Variants in TBK1 observed in about 807,000 individuals in gnomAD.
TBK1 encodes the protein TANK binding kinase 1.
TBK1 carries 37 observed loss-of-function variants against 99.9 expected under a neutral mutation model. That is an observed-to-expected ratio of 0.37 (90% CI 0.28 to 0.49). The LOEUF is 0.49. Ranked by LOEUF, TBK1 falls within the 20% of genes least tolerant of loss-of-function variation. The pLI is 0.98. For missense variants in TBK1, 644 were observed against 872.5 expected, an observed-to-expected ratio of 0.74 and a Z score of 3.30; for synonymous variants, 258 against 279.8, an observed-to-expected ratio of 0.92 and a Z score of 0.78.
intron 6 of TBK1, 107 bp downstream of exon 6, chr12:64,474,497 C>A: frequency 1.8e-6 from 2 of 1,101,740 alleles, no homozygotes; most frequent in East Asian, 2.4e-5. Flanking sequence ...ATTTAACAAT[C>A]ATTTCTGATA....
At chr12:64,487,169 A>G (rs1411179201) in intron 11 of TBK1, among the ~76,000 whole-genome samples, 1 of 152,210 alleles carries the variant, frequency 6.6e-6, no homozygotes, top group Non-Finnish European at 1.5e-5. Context: ...TCCATCTGAA[A>G]AAAATGGAAA....
At chr12:64,477,464 C>T (rs574033682) in intron 6 of TBK1, among the ~76,000 whole-genome samples, 3 of 152,010 alleles carry the variant, frequency 2.0e-5, no homozygotes, top group East Asian at 1.9e-4. Context: ...CAGCTTTGTC[C>T]GTGTATAGAA....
At chr12:64,497,340 A>G in intron 18 of TBK1, 81 bp downstream of exon 18, 1 of 1,063,558 alleles carries the variant, frequency 9.4e-7, no homozygotes, top group Non-Finnish European at 1.3e-6. Flanking sequence ...AATGGGATAG[A>G]ATGTGCCTAC....
intron 4 of TBK1, among the ~76,000 whole-genome samples, chr12:64,464,963 G>A (rs1398535533): frequency 6.6e-6 from 1 of 151,932 alleles, no homozygotes; most frequent in Non-Finnish European, 1.5e-5. Context: ...GACAAACAGG[G>A]CCAACCATGG....
chr12:64,481,688 C>G (rs763504116), intron 7 of TBK1, among the ~76,000 whole-genome samples, 154 bp from the exon 8 acceptor site: 4 of 152,166 alleles, frequency 2.6e-5, no homozygotes, highest in Non-Finnish European at 4.4e-5. Context: ...GGTTACCTAG[C>G]TTTCTGAAAA....
chr12:64,453,175 G>T (rs1249550420), intron 1 of TBK1, among the ~76,000 whole-genome samples: 1 of 152,214 alleles, frequency 6.6e-6, no homozygotes, highest in Non-Finnish European at 1.5e-5. Context: ...TTATTGTGGA[G>T]TTATTGGAAG....
Position 64,486,017 on chromosome 12 carries a change from T to C in TBK1, c.1340T>C (p.Ile447Thr). The C allele has an allele frequency of 6.3e-7, 1 of 1,575,150 alleles. No individual in the cohort carries two copies. The highest frequency in any genetic ancestry group is 1.2e-5 in the South Asian group (1 of 85,126). The change falls in exon 11 of 21, where the codon ATT (isoleucine) becomes ACT (threonine). Residue 447 changes from isoleucine (I) to threonine (T), a missense_variant and splice_region_variant. Physicochemically the swap from Ile to Thr is moderately conservative, Grantham distance 89. Coordinates refer to ENST00000331710, the MANE Select transcript of TBK1 (RefSeq NM_013254.4). ...ATGCGAAAGGGGATACGATGGCTGA[T>C]GTAAGTAATAGATTGAAATTTTGAA... ...ELMRKGIRWL[I>T]ELIKDDYNET...
At position 64,484,322 on chromosome 12, in the gene TBK1, C is replaced by T. The variant is rs752520145; in HGVS notation, c.1012C>T (p.Leu338=). 3 of 1,610,718 alleles carry T rather than the reference C, an allele frequency of 1.9e-6. No homozygotes were observed. The highest frequency in any genetic ancestry group is 4.5e-5 in the East Asian group (2 of 44,848). ...ACACAGTGCTACTATATTTCATGAA[C>T]TGGTATATAAACAAACCAAAATTAT... ...SYNTATIFHE[L]VYKQTKIISS... Residue 338 remains leucine (L), a synonymous_variant, in exon 9 of 21, where the codon CTG becomes TTG. Transcript: ENST00000331710.
chr12:64,458,610 G>A (rs147906467), intron 2 of TBK1, among the ~76,000 whole-genome samples: 301 of 151,968 alleles, frequency 2.0e-3, no homozygotes, highest in Non-Finnish European at 2.3e-3. Context: ...AAAATAGTAC[G>A]TTTCCACCTG....
At chr12:64,482,999 A>T (rs550993445) in intron 8 of TBK1, among the ~76,000 whole-genome samples, 1 of 152,320 alleles carries the variant, frequency 6.6e-6, no homozygotes, top group South Asian at 2.1e-4. Flanking sequence ...CATTGGGGGA[A>T]GCTGGGAGAA....
intron 13 of TBK1, among the ~76,000 whole-genome samples, chr12:64,494,393 T>C (rs1224623293): frequency 6.6e-6 from 1 of 152,084 alleles, no homozygotes; most frequent in Non-Finnish European, 1.5e-5. Flanking sequence ...GGTGAGAGGA[T>C]GGCTTGAACT....
intron 2 of TBK1, among the ~76,000 whole-genome samples, chr12:64,457,196 G>C (rs2040498979): frequency 6.6e-6 from 1 of 152,140 alleles, no homozygotes; most frequent in South Asian, 2.1e-4. Context: ...GATGAGATAA[G>C]CGTACATGGG....
At chr12:64,489,359 ACTATTTGTACTG>A (rs2040847240) in intron 12 of TBK1, among the ~76,000 whole-genome samples, 1 of 152,236 alleles carries the variant, frequency 6.6e-6, no homozygotes, top group Non-Finnish European at 1.5e-5. Flanking sequence ...TCTAGAATAT[ACTATTTGTACTG>A]CAGAGGAAAT....
intron 3 of TBK1, among the ~76,000 whole-genome samples, chr12:64,461,798 C>T (rs2040551422): frequency 6.6e-6 from 1 of 152,156 alleles, no homozygotes; most frequent in Non-Finnish European, 1.5e-5. Context: ...GTAGAAATGA[C>T]TCACAAAACT....
chr12:64,467,134 A>G, intron 5 of TBK1, 52 bp downstream of exon 5: 2 of 1,371,050 alleles, frequency 1.5e-6, no homozygotes, highest in Non-Finnish European at 1.9e-6. Context: ...ATATATTGTA[A>G]TTATAATTGG....
At chr12:64,496,443 T>C (rs2040925669) in intron 16 of TBK1, 37 bp downstream of exon 16, 1 of 1,122,428 alleles carries the variant, frequency 8.9e-7, no homozygotes, top group Non-Finnish European at 1.3e-6. Flanking sequence ...TTATTTTTGG[T>C]GCTATTTTGG....
intron 12 of TBK1, among the ~76,000 whole-genome samples, 190 bp from the exon 13 acceptor site, chr12:64,489,850 AC>A: frequency 6.6e-6 from 1 of 151,374 alleles, no homozygotes; most frequent in South Asian, 2.1e-4. Context: ...TGCTGGAATT[AC>A]AGGCGTGAGC....
chr12:64,486,484 GAGTGC>G (rs991994264), intron 11 of TBK1, among the ~76,000 whole-genome samples: 24 of 151,570 alleles, frequency 1.6e-4, no homozygotes, highest in African/African-American at 5.8e-4. Flanking sequence ...ACCCAGGCTG[GAGTGC>G]AGTGGCACAA....
intron 20 of TBK1, among the ~76,000 whole-genome samples, chr12:64,500,187 A>G (rs1363066329): frequency 6.6e-6 from 1 of 152,130 alleles, no homozygotes; most frequent in African/African-American, 2.4e-5. Flanking sequence ...TGGAAGCCAG[A>G]TTTTGTTCAG....
Sources: gnomAD v4.1 joint callset for allele counts (sites outside exome capture counted in the v4.1 genomes callset) on GRCh38, gnomAD v4.1.1 for gene constraint, MANE v1.5 for transcripts, NCBI Gene and HGNC (gene_info 2026-07-23, HGNC 2026-07-21) for gene names.